Variants in FRA10AC1 observed in about 807,000 individuals in gnomAD.
FRA10AC1 encodes FRA10A associated CGG repeat 1, also known as protein FRA10AC1.
A neutral mutation model predicts 56.5 loss-of-function variants in FRA10AC1; 43 were observed. That is an observed-to-expected ratio of 0.76 (90% CI 0.60 to 0.98). The LOEUF is 0.98. Among genes scored for constraint, FRA10AC1 ranks in the 50% least tolerant of loss-of-function variants. The pLI is 0.00. For synonymous variants in FRA10AC1, 112 were observed against 110.5 expected (o/e 1.01, Z -0.09); for missense variants, 346 against 351.8 (o/e 0.98, Z 0.13).
intron 10 of FRA10AC1, among the ~76,000 whole-genome samples, chr10:93,683,650 CTTGATT>C (rs2058973843): frequency 6.6e-6 from 1 of 152,186 alleles, no homozygotes; most frequent in Non-Finnish European, 1.5e-5. Flanking sequence ...CGCGCCTGTT[CTTGATT>C]TTAACATTTA....
At chr10:93,683,477 AG>A (rs997126523) in intron 10 of FRA10AC1, among the ~76,000 whole-genome samples, 12 of 151,712 alleles carry the variant, frequency 7.9e-5, no homozygotes, top group Non-Finnish European at 1.5e-4. Context: ...CAGCCTCCCC[AG>A]TAGCTGGGAT....
chr10:93,670,193 A>T (rs1247344260), intron 13 of FRA10AC1, among the ~76,000 whole-genome samples: 5 of 152,056 alleles, frequency 3.3e-5, no homozygotes, highest in Non-Finnish European at 7.4e-5. Flanking sequence ...TTCTCTGTTC[A>T]TTCTCATTTT....
At chr10:93,696,542 G>C in intron 4 of FRA10AC1, among the ~76,000 whole-genome samples, 1 of 152,222 alleles carries the variant, frequency 6.6e-6, no homozygotes, top group Non-Finnish European at 1.5e-5. Flanking sequence ...TGAAGACAAT[G>C]TGGCAATTCC....
At chr10:93,699,805 CTT>C (rs778543476) in intron 2 of FRA10AC1, among the ~76,000 whole-genome samples, 4 of 152,186 alleles carry the variant, frequency 2.6e-5, no homozygotes, top group Non-Finnish European at 4.4e-5. Context: ...ATCTGAAACT[CTT>C]CTTTCCCTTT....
In FRA10AC1 at chr10:93,690,807, G is replaced by A. The variant is rs377044734; in HGVS notation, c.465+1202C>T. Among the ~76,000 whole-genome samples the A allele has an allele frequency of 2.0e-5, 3 of 152,234 alleles. No individual in the cohort carries two copies. In the South Asian group the frequency reaches 6.2e-4, roughly 32 times the overall value. On this transcript the variant is annotated intron_variant, in intron 7 of 13. Coordinates refer to ENST00000359204, the MANE Select transcript of FRA10AC1 (RefSeq NM_145246.5). ...GTACAGAGAAGACAGCTGTGAACCA[G>A]AGTCCATAACTAGTTCATAAGAAAC... is the stretch of plus-strand genomic sequence containing the variant.
intron 5 of FRA10AC1, among the ~76,000 whole-genome samples, chr10:93,694,206 CT>C (rs1455064166): frequency 3.3e-5 from 5 of 152,170 alleles, no homozygotes; most frequent in Non-Finnish European, 5.9e-5. Context: ...GTTTACCTAT[CT>C]TTTAAAAAGC....
Position 93,669,871 on chromosome 10 carries a change from AT to A in FRA10AC1, c.906-4del. 2.0e-6 allele frequency: 3 copies of A among 1,537,676 alleles called. No individual in the cohort carries two copies. Among genetic ancestry groups the A allele is most frequent in the South Asian group, 1.2e-5 (1 of 85,640 alleles). On this transcript the variant is annotated splice_region_variant and splice_polypyrimidine_tract_variant and intron_variant, in intron 13 of 13. Coordinates refer to ENST00000359204, the MANE Select transcript of FRA10AC1 (RefSeq NM_145246.5). ...AATACTCATCAAATTCTTCTTCCCTATTTAAAAAAAAAAGCATACTTAAGAT... is the reference window on the plus strand; with the variant it reads ...AATACTCATCAAATTCTTCTTCCCTATTAAAAAAAAAAGCATACTTAAGAT...
At chr10:93,676,512 T>A in intron 12 of FRA10AC1, 141 bp downstream of exon 12, 1 of 1,305,912 alleles carries the variant, frequency 7.7e-7, no homozygotes, top group South Asian at 1.7e-5. Flanking sequence ...TTTGGCCTTT[T>A]TTCTACAGTT....
intron 2 of FRA10AC1, among the ~76,000 whole-genome samples, chr10:93,699,333 AT>A (rs1730626214): frequency 6.6e-6 from 1 of 152,208 alleles, no homozygotes; most frequent in African/African-American, 2.4e-5. Context: ...GTGTGAAATA[AT>A]AAGCCAATTT....
chr10:93,683,968 C>T, intron 10 of FRA10AC1, 88 bp downstream of exon 10: 1 of 880,872 alleles, frequency 1.1e-6, no homozygotes, highest in Non-Finnish European at 1.8e-6. Context: ...CCATCAACCA[C>T]CTAAGTCTAC....
intron 1 of FRA10AC1, among the ~76,000 whole-genome samples, chr10:93,701,612 A>G (rs1188054861): frequency 2.6e-5 from 4 of 152,052 alleles, no homozygotes; most frequent in Non-Finnish European, 4.4e-5. Flanking sequence ...AAGGTTGGAG[A>G]TGAAGGTTTG....
At chr10:93,681,863 T>C (rs1401149252) in intron 10 of FRA10AC1, among the ~76,000 whole-genome samples, 1 of 152,124 alleles carries the variant, frequency 6.6e-6, no homozygotes, top group East Asian at 1.9e-4. Flanking sequence ...ATACAAATTA[T>C]AATTGTATTT....
intron 12 of FRA10AC1, among the ~76,000 whole-genome samples, chr10:93,676,207 G>A (rs529559479): frequency 6.6e-6 from 1 of 152,062 alleles, no homozygotes; most frequent in South Asian, 2.1e-4. Flanking sequence ...AAAACTTATT[G>A]TGTATGTTTT....
intron 12 of FRA10AC1, chr10:93,675,593 G>A (rs964580906): frequency 5.7e-5 from 16 of 278,426 alleles, no homozygotes; most frequent in Middle Eastern, 1.9e-3. Flanking sequence ...CAGTCCCGGC[G>A]ACTTGGGAGG....
chr10:93,697,140 C>A (rs1288582479), intron 4 of FRA10AC1, among the ~76,000 whole-genome samples: 2 of 151,952 alleles, frequency 1.3e-5, no homozygotes, highest in Admixed American at 1.3e-4. Context: ...ACAAAAAAAA[C>A]TGTGGCTCCA....
upstream of FRA10AC1, among the ~76,000 whole-genome samples, chr10:93,702,851 A>G (rs1206053966): frequency 6.6e-6 from 1 of 151,772 alleles, no homozygotes; most frequent in East Asian, 1.9e-4. Flanking sequence ...TTGAAAATAT[A>G]TTTTGTTTTA....
chr10:93,687,337 G>T, intron 8 of FRA10AC1, 67 bp downstream of exon 8: 2 of 1,209,922 alleles, frequency 1.7e-6, no homozygotes, highest in South Asian at 1.5e-5. Flanking sequence ...TGATCTTAAT[G>T]ACTCCAATTC....
intron 11 of FRA10AC1, among the ~76,000 whole-genome samples, chr10:93,677,380 C>T (rs187535466): frequency 6.6e-6 from 1 of 152,256 alleles, no homozygotes; most frequent in East Asian, 1.9e-4. Flanking sequence ...GGCCTCGTAA[C>T]CCAAAGTTTT....
At chr10:93,669,984 C>T in intron 13 of FRA10AC1, 116 bp from the exon 14 acceptor site, 1 of 571,334 alleles carries the variant, frequency 1.8e-6, no homozygotes, top group Non-Finnish European at 3.1e-6. Context: ...GCTGATTCTG[C>T]TATATATCAA....
Sources: allele counts gnomAD v4.1 joint callset (sites outside exome capture counted in the v4.1 genomes callset), GRCh38; gene constraint gnomAD v4.1.1; transcripts MANE v1.5; gene names NCBI Gene and HGNC (gene_info 2026-07-23, HGNC 2026-07-21).